Variants in SNED1 observed in about 807,000 individuals in gnomAD.
SNED1 encodes sushi, nidogen and EGF-like domain-containing protein 1.
In SNED1, 81 loss-of-function variants were observed where a neutral mutation model predicts 166.7. The ratio of observed to expected loss-of-function variants is 0.49; its 90% CI spans 0.41 to 0.58. The LOEUF is 0.58. Among genes scored for constraint, SNED1 ranks in the 20% least tolerant of loss-of-function variants. SNED1 has a pLI of 0.00. For synonymous variants in SNED1, 762 were observed against 822.0 expected (o/e 0.93, Z 1.25); for missense variants, 1,604 against 2,000.2 (o/e 0.80, Z 3.78).
At chr2:241,011,109 C>G in intron 1 of SNED1, among the ~76,000 whole-genome samples, 1 of 145,392 alleles carries the variant, frequency 6.9e-6, no homozygotes, top group Non-Finnish European at 1.5e-5. Flanking sequence ...TGGCAGGTCT[C>G]CTGGGTCTCC....
Position 241,048,454 on chromosome 2 carries a change from G to A in SNED1, c.1399+14G>A, listed in dbSNP as rs1414703466. 3.2e-6 allele frequency: 5 copies of A among 1,584,230 alleles called. No individual in the cohort carries two copies. In the African/African-American group the frequency reaches 6.8e-5, roughly 21 times the overall value. ...ACTGCAGGGAGAGTGCGTCTGGGCTGCAAGGGCTGCCGTTTTAGGGCTGGG... is the reference window on the plus strand; with the variant it reads ...ACTGCAGGGAGAGTGCGTCTGGGCTACAAGGGCTGCCGTTTTAGGGCTGGG... On this transcript the variant is annotated intron_variant, in intron 9 of 31. Transcript: ENST00000310397.
At chr2:241,065,035 G>C in intron 20 of SNED1, 78 bp downstream of exon 20, 2 of 1,157,042 alleles carry the variant, frequency 1.7e-6, no homozygotes, top group Non-Finnish European at 1.2e-6. Context: ...GTCTCCAAGG[G>C]CAGAGCGTCT....
At chr2:241,035,571 C>CCGGGACCTGCCCCAGACTCGCCT (rs2061323170) in intron 4 of SNED1, 1 of 152,228 alleles carries the variant, frequency 6.6e-6, no homozygotes, top group Non-Finnish European at 1.5e-5. Context: ...GAGGCTCGCA[C>CCGGGACCTGCCCCAGACTCGCCT]CGGGACCTGC....
chr2:241,048,812 A>G, intron 10 of SNED1, 46 bp downstream of exon 10: 1 of 1,477,692 alleles, frequency 6.8e-7, no homozygotes, highest in South Asian at 1.2e-5. Flanking sequence ...GAGCATCCTC[A>G]TAATCGGGAA....
chr2:241,013,570 C>T lies in SNED1; in HGVS notation c.213+14520C>T, dbSNP rs530728118. Among the ~76,000 whole-genome samples, 3 of 151,638 alleles carry T rather than the reference C, an allele frequency of 2.0e-5. No homozygotes were observed. Among genetic ancestry groups the T allele is most frequent in the Non-Finnish European group, 4.4e-5 (3 of 67,872 alleles). ...GTCCAGGCTGGTCTTGAACTCCTGG[C>T]CTCAAGAGATCCTCCTGCCTCAGCC... On this transcript the variant is annotated intron_variant, in intron 1 of 31. Transcript: ENST00000310397. The surrounding 1 kb of genome is among the most constrained non-coding windows in gnomAD (Gnocchi z 4.6).
At chr2:241,088,549 C>G in intron 31 of SNED1, 147 bp downstream of exon 31, 2 of 681,508 alleles carry the variant, frequency 2.9e-6, no homozygotes, top group South Asian at 3.4e-5. Flanking sequence ...GTTACAGACT[C>G]CCGGGCAGGA....
At chr2:241,074,040 T>G (rs1435640200) in intron 27 of SNED1, 2 of 152,558 alleles carry the variant, frequency 1.3e-5, no homozygotes, top group Admixed American at 6.5e-5. Flanking sequence ...GGCTGTGTCC[T>G]CTATGGACAG....
At chr2:241,029,669 T>C (rs2124974989) in intron 1 of SNED1, among the ~76,000 whole-genome samples, 1 of 152,336 alleles carries the variant, frequency 6.6e-6, no homozygotes. Flanking sequence ...GGGGCCAGGA[T>C]GGAAGCATGT....
At chr2:241,082,592 G>C (rs1013938896) in intron 29 of SNED1, among the ~76,000 whole-genome samples, 1 of 152,194 alleles carries the variant, frequency 6.6e-6, no homozygotes, top group African/African-American at 2.4e-5. Flanking sequence ...GGGCTGAGAA[G>C]AACGCAGGCT....
At chr2:241,027,992 CAG>C (rs1392757553) in intron 1 of SNED1, among the ~76,000 whole-genome samples, 2 of 152,092 alleles carry the variant, frequency 1.3e-5, no homozygotes, top group Admixed American at 1.3e-4. Flanking sequence ...CTCGGCCTCC[CAG>C]AGTGATGGGA....
chr2:241,004,278 T>C (rs756616255), intron 1 of SNED1, among the ~76,000 whole-genome samples: 2 of 152,270 alleles, frequency 1.3e-5, no homozygotes, highest in Non-Finnish European at 2.9e-5. Flanking sequence ...ACTGTGGCCT[T>C]GATTGTCTTT....
rs1045964670 is a variant in SNED1 at position 241,030,416 on chromosome 2, G to A, written c.346G>A (p.Val116Met). ...TGTGGACAACCGGCGTGCAGGCGAC[G>A]TGTACTACCGGGAGGCCACCGACCC... ...ADVDNRRAGD[V>M]YYREATDPAM... Residue 116 changes from valine to methionine, a missense_variant, in exon 2 of 32, where the codon GTG (valine) becomes ATG (methionine). Val to Met is a conservative substitution (Grantham distance 21). This residue lies in a region of SNED1 where 1,237 missense variants were observed against 1,620.8 expected (regional missense o/e 0.76). Coordinates refer to ENST00000310397, the MANE Select transcript of SNED1 (RefSeq NM_001080437.3). 4 of 1,613,350 alleles carry A rather than the reference G, an allele frequency of 2.5e-6. No individual in the cohort carries two copies. The highest frequency in any genetic ancestry group is 3.4e-6 in the Non-Finnish European group (4 of 1,179,734).
chr2:241,053,202 C>T lies in SNED1; in HGVS notation c.2133C>T (p.Phe711=). The T allele has an allele frequency of 6.2e-7, 1 of 1,610,518 alleles. No individual in the cohort carries two copies. Among genetic ancestry groups the T allele is most frequent in the Non-Finnish European group, 8.5e-7 (1 of 1,179,468 alleles). The change falls in exon 16 of 32, where the codon TTC becomes TTT. Residue 711 remains phenylalanine (F), a synonymous_variant. Coordinates refer to ENST00000310397, the MANE Select transcript of SNED1 (RefSeq NM_001080437.3). ...AGGTGAAGCACGCCACACTGCGCTT[C>T]AACGGCACGCGGCTGGGCGCGGTGG... The part of the protein sequence containing the change: ...PEEVKHATLR[F]NGTRLGAVAL...
At chr2:241,072,016 T>C (rs754471280) in intron 26 of SNED1, 138 bp downstream of exon 26, 17 of 816,912 alleles carry the variant, frequency 2.1e-5, no homozygotes, top group South Asian at 1.4e-4. Context: ...CCACCCCGAC[T>C]GTGCACAAGG....
In SNED1 at chr2:241,069,895, C is replaced by A. The variant is rs1287459575; in HGVS notation, c.3308-25C>A. The A allele has an allele frequency of 1.2e-6, 2 of 1,604,480 alleles. No individual in the cohort carries two copies. The highest frequency in any genetic ancestry group is 1.7e-6 in the Non-Finnish European group (2 of 1,174,616). ...GAAGACCCTGTGGGCACCCCCTCACCTCTCCCTGCTCCTGCCTCATCCAGG... is the reference window on the plus strand; with the variant it reads ...GAAGACCCTGTGGGCACCCCCTCACATCTCCCTGCTCCTGCCTCATCCAGG... On this transcript the variant is annotated intron_variant, in intron 23 of 31. Transcript: ENST00000310397. The surrounding 1 kb of genome is among the most constrained non-coding windows in gnomAD (Gnocchi z 4.9).
intron 8 of SNED1, among the ~76,000 whole-genome samples, chr2:241,043,009 G>A (rs373424919): frequency 6.6e-6 from 1 of 151,736 alleles, no homozygotes; most frequent in Non-Finnish European, 1.5e-5. Flanking sequence ...ATCCATGTAT[G>A]TGCAGTCTGC....
At chr2:241,044,182 T>C (rs925000008) in intron 8 of SNED1, among the ~76,000 whole-genome samples, 13 of 152,218 alleles carry the variant, frequency 8.5e-5, no homozygotes, top group Non-Finnish European at 1.6e-4. Flanking sequence ...GATAGCAAGA[T>C]GATAGGTTCA....
At chr2:241,033,696 G>T (rs2061255867) in intron 2 of SNED1, 39 bp from the exon 3 acceptor site, 4 of 1,590,048 alleles carry the variant, frequency 2.5e-6, no homozygotes, top group Non-Finnish European at 3.4e-6. Flanking sequence ...CTGGGCCAAG[G>T]GGAGTGCAGG....
At chr2:241,089,818 A>T (rs1180816860) in intron 31 of SNED1, among the ~76,000 whole-genome samples, 1 of 152,278 alleles carries the variant, frequency 6.6e-6, no homozygotes, top group Non-Finnish European at 1.5e-5. Flanking sequence ...GGCACCGCGT[A>T]CTGCGCACCT....
Sources: gnomAD v4.1 joint callset for allele counts (sites outside exome capture counted in the v4.1 genomes callset) on GRCh38, gnomAD v4.1.1 for gene constraint, gnomAD v4.1.1 regional missense constraint, Gnocchi (gnomAD v3.1) non-coding constraint, MANE v1.5 for transcripts, NCBI Gene and HGNC (gene_info 2026-07-23, HGNC 2026-07-21) for gene names.